FLRT2: variants seen among roughly 807,000 people sequenced by gnomAD.
The protein encoded by FLRT2 is leucine-rich repeat transmembrane protein FLRT2.
A neutral mutation model predicts 40.0 loss-of-function variants in FLRT2; 15 were observed. That is an observed-to-expected ratio of 0.38 (90% CI 0.25 to 0.58). The LOEUF (loss-of-function observed/expected upper bound fraction) is 0.58, where lower values mean the gene tolerates loss of function less well. Ranked by LOEUF, FLRT2 falls within the 20% of genes least tolerant of loss-of-function variation. FLRT2 has a pLI of 0.71. For missense variants in FLRT2, 726 were observed against 840.0 expected, an observed-to-expected ratio of 0.86 and a Z score of 1.68; for synonymous variants, 380 against 336.8, an observed-to-expected ratio of 1.13 and a Z score of -1.41.
chr14:85,623,378 T>G lies in FLRT2; in HGVS notation c.1864T>G (p.Phe622Val). Residue 622 changes from phenylalanine to valine, a missense_variant, in exon 2 of 2, where the codon TTC becomes GTC. Transcript: ENST00000330753. ...TAACGATCAACTCCTTAAAGGAGAT[T>G]TCAGACTGCAGCCCATTTACACCCC... ...LNNDQLLKGDFRLQPIYTPNG... is the reference protein window; with the variant it reads ...LNNDQLLKGDVRLQPIYTPNG... The G allele has an allele frequency of 5.3e-6, 8 of 1,519,746 alleles. No homozygotes were observed. Among genetic ancestry groups the G allele is most frequent in the Non-Finnish European group, 6.2e-6 (7 of 1,136,642 alleles). The allele number at this position is 1,519,746 out of a possible 1,614,324, so 94.1% of individuals were successfully genotyped here. A position where few individuals can be genotyped will look rare whatever the true frequency, so the allele number is the denominator to read the frequency against.
intron 1 of FLRT2, among the ~76,000 whole-genome samples, chr14:85,589,682 C>A: frequency 6.6e-6 from 1 of 152,070 alleles, no homozygotes; most frequent in East Asian, 1.9e-4. Flanking sequence ...GAAATTTTTG[C>A]CCATACCAAT....
At chr14:85,560,549 C>T (rs565265331) in intron 1 of FLRT2, among the ~76,000 whole-genome samples, 2 of 151,858 alleles carry the variant, frequency 1.3e-5, no homozygotes, top group East Asian at 3.9e-4. Flanking sequence ...CCACTGCACT[C>T]CAGCCTGGGC....
At chr14:85,589,646 G>C (rs1293235507) in intron 1 of FLRT2, among the ~76,000 whole-genome samples, 1 of 152,090 alleles carries the variant, frequency 6.6e-6, no homozygotes, top group Non-Finnish European at 1.5e-5. Context: ...TGCTTTGGCT[G>C]CCTGTGCTTG....
chr14:85,556,071 T>A (rs375290892), intron 1 of FLRT2, among the ~76,000 whole-genome samples: 1 of 152,208 alleles, frequency 6.6e-6, no homozygotes, highest in Non-Finnish European at 1.5e-5. Context: ...TCCTATCCCA[T>A]GAATACAGAT....
At chr14:85,538,705 G>C (rs1888813378) in intron 1 of FLRT2, among the ~76,000 whole-genome samples, 1 of 152,038 alleles carries the variant, frequency 6.6e-6, no homozygotes. Context: ...CAGAACAATT[G>C]AAACCACCTT....
Position 85,650,512 on chromosome 14 carries a change from C to T in FLRT2, c.*27015C>T, listed in dbSNP as rs1302809812. Reference sequence around the variant, plus strand: ...TAGAATTTGAATTGCTAAAATTGAACATTCAATTTTCATTTTTAACTTTAC... The same window carrying T: ...TAGAATTTGAATTGCTAAAATTGAATATTCAATTTTCATTTTTAACTTTAC... On this transcript the variant is annotated 3_prime_UTR_variant, in exon 2 of 2. Coordinates refer to ENST00000330753, the MANE Select transcript of FLRT2 (RefSeq NM_013231.6). The T allele has an allele frequency of 6.6e-6, 1 of 151,868 alleles. No individual in the cohort carries two copies. The highest frequency in any genetic ancestry group is 1.5e-5 in the Non-Finnish European group (1 of 67,932). 9.4% of individuals were successfully genotyped at this position (151,868 alleles called of 1,614,324 possible).
At chr14:85,610,680 C>T (rs1892819000) in intron 1 of FLRT2, among the ~76,000 whole-genome samples, 1 of 152,058 alleles carries the variant, frequency 6.6e-6, no homozygotes, top group South Asian at 2.1e-4. Context: ...TACTTATTGG[C>T]CTCTCTTCTC....
At chr14:85,555,118 G>T (rs757586440) in intron 1 of FLRT2, among the ~76,000 whole-genome samples, 1 of 152,186 alleles carries the variant, frequency 6.6e-6, no homozygotes, top group Non-Finnish European at 1.5e-5. Flanking sequence ...TAAGGTGGTA[G>T]CATACTAAAG....
rs1427504065 is a variant in FLRT2, at chr14:85,627,808, T to G, written c.*4311T>G. The G allele has an allele frequency of 6.0e-6, 1 of 167,106 alleles. No individual in the cohort carries two copies. Among genetic ancestry groups the G allele is most frequent in the Non-Finnish European group, 1.5e-5 (1 of 68,132 alleles). 10.4% of individuals were successfully genotyped at this position (167,106 alleles called of 1,614,324 possible). A position where few individuals can be genotyped will look rare whatever the true frequency, so the allele number is the denominator to read the frequency against. ...TCTCTGATAAGGGGCTGAAAGATTC[T>G]GCATCACACATCCTCTGAGACCTAC... On this transcript the variant is annotated 3_prime_UTR_variant, in exon 2 of 2. Coordinates refer to ENST00000330753, the MANE Select transcript of FLRT2 (RefSeq NM_013231.6).
At position 85,638,680 on chromosome 14, in the gene FLRT2, AG is replaced by A. The variant is rs1894070325; in HGVS notation, c.*15186del. The A allele has an allele frequency of 6.6e-6, 1 of 152,194 alleles. No individual in the cohort carries two copies. Among genetic ancestry groups the A allele is most frequent in the South Asian group, 2.1e-4 (1 of 4,826 alleles). 9.4% of individuals were successfully genotyped at this position (152,194 alleles called of 1,614,324 possible). On this transcript the variant is annotated 3_prime_UTR_variant, in exon 2 of 2. Transcript: ENST00000330753. ...ATGTGAAAGTGTGAGGCTGGGCCCA[AG>A]GGATTTCTTTACTTATTGAGCAGAG...
At chr14:85,601,958 G>T (rs1892394948) in intron 1 of FLRT2, among the ~76,000 whole-genome samples, 1 of 152,094 alleles carries the variant, frequency 6.6e-6, no homozygotes, top group African/African-American at 2.4e-5. Context: ...AGTCAGGTGG[G>T]AGTGTTCATT....
At chr14:85,604,607 A>T (rs1271229641) in intron 1 of FLRT2, among the ~76,000 whole-genome samples, 2 of 152,202 alleles carry the variant, frequency 1.3e-5, no homozygotes, top group African/African-American at 4.8e-5. Flanking sequence ...AGAAAAAAAA[A>T]ATCAGAAGCA....
In FLRT2 at chr14:85,642,581, A is replaced by G. The variant is rs1156375451; in HGVS notation, c.*19084A>G. 1 of 152,174 alleles carries G rather than the reference A, an allele frequency of 6.6e-6. No individual in the cohort carries two copies. The highest frequency in any genetic ancestry group is 1.5e-5 in the Non-Finnish European group (1 of 68,026). 9.4% of individuals were successfully genotyped at this position (152,174 alleles called of 1,614,324 possible). On this transcript the variant is annotated 3_prime_UTR_variant, in exon 2 of 2. Coordinates refer to ENST00000330753, the MANE Select transcript of FLRT2 (RefSeq NM_013231.6). ...AACAAAAAAACGGCAATAGTTTGTT[A>G]TTTTTTATCAGGAGAAATCTGCGGA...
At chr14:85,534,972 A>G (rs1888558601) in intron 1 of FLRT2, among the ~76,000 whole-genome samples, 1 of 152,146 alleles carries the variant, frequency 6.6e-6, no homozygotes, top group South Asian at 2.1e-4. Context: ...ATCAGTCTTC[A>G]AGAGCTTTTG....
At chr14:85,604,412 C>T (rs1892519142) in intron 1 of FLRT2, among the ~76,000 whole-genome samples, 1 of 152,142 alleles carries the variant, frequency 6.6e-6, no homozygotes, top group South Asian at 2.1e-4. Context: ...TACCAATTTA[C>T]TAAGCACTCG....
In FLRT2 at chr14:85,638,588, T is replaced by A. The variant is rs1237442370; in HGVS notation, c.*15091T>A. 1 of 152,210 alleles carries A rather than the reference T, an allele frequency of 6.6e-6. No individual in the cohort carries two copies. Among genetic ancestry groups the A allele is most frequent in the Non-Finnish European group, 1.5e-5 (1 of 68,040 alleles). The allele number at this position is 152,210 out of a possible 1,614,324, so 9.4% of individuals were successfully genotyped here. ...AGTCCATTTCCTTGGGAACCCAACC[T>A]GCTACAGCCTACTTCACACTTCTTC... On this transcript the variant is annotated 3_prime_UTR_variant, in exon 2 of 2. Transcript: ENST00000330753.
intron 1 of FLRT2, among the ~76,000 whole-genome samples, chr14:85,571,008 A>G (rs1432436865): frequency 6.6e-6 from 1 of 152,148 alleles, no homozygotes; most frequent in Non-Finnish European, 1.5e-5. Flanking sequence ...CTTAAAGTTT[A>G]TGGTTTTCAG....
At position 85,632,029 on chromosome 14, in the gene FLRT2, T is replaced by C. The variant is rs1051461793; in HGVS notation, c.*8532T>C. 6.6e-6 allele frequency: 1 copy of C among 151,818 alleles called. No individual in the cohort carries two copies. Among genetic ancestry groups the C allele is most frequent in the Admixed American group, 6.6e-5 (1 of 15,230 alleles). The allele number at this position is 151,818 out of a possible 1,614,324, so 9.4% of individuals were successfully genotyped here. Reference sequence around the variant, plus strand: ...TTTAGTAGAGATGGGTTTTGCCACATTGGCCAGGCTAGTCTCGAACTCCTG... The same window carrying C: ...TTTAGTAGAGATGGGTTTTGCCACACTGGCCAGGCTAGTCTCGAACTCCTG... On this transcript the variant is annotated 3_prime_UTR_variant, in exon 2 of 2. Transcript: ENST00000330753.
chr14:85,603,728 C>T (rs1892485234), intron 1 of FLRT2, among the ~76,000 whole-genome samples: 1 of 152,018 alleles, frequency 6.6e-6, no homozygotes, highest in African/African-American at 2.4e-5. Flanking sequence ...ATCTGCCAGG[C>T]ATAGTAGTAT....
Sources: allele counts gnomAD v4.1 joint callset (sites outside exome capture counted in the v4.1 genomes callset), GRCh38; gene constraint gnomAD v4.1.1; transcripts MANE v1.5; gene names NCBI Gene and HGNC (gene_info 2026-07-23, HGNC 2026-07-21).